SHROOM3: variants seen among roughly 807,000 people sequenced by gnomAD.
The protein encoded by SHROOM3 is shroom family member 3, also known as protein Shroom3.
In SHROOM3, 47 loss-of-function variants were observed where a neutral mutation model predicts 138.6. The observed-to-expected ratio is 0.34, with a 90% CI of 0.27 to 0.43. The LOEUF is 0.43. Ranked by LOEUF, SHROOM3 falls within the 20% of genes least tolerant of loss-of-function variation. The pLI is 1.00. For synonymous variants in SHROOM3, 1,062 were observed against 1,063.3 expected, an observed-to-expected ratio of 1.00 and a Z score of 0.02; for missense variants, 2,491 against 2,596.5, an observed-to-expected ratio of 0.96 and a Z score of 0.88.
Position 76,616,858 on chromosome 4 carries a change from C to T in SHROOM3, c.323+61095C>T, listed in dbSNP as rs1331107612. 2.6e-5 allele frequency among the ~76,000 whole-genome samples: 4 copies of T among 152,102 alleles called. No individual in the cohort carries two copies. The East Asian group carries it at 7.7e-4, about 29-fold the overall frequency. ...TGTATTCTACCACAATTTAAAAATA[C>T]CTAAAGAAATAACAATAATTGGTCT... On this transcript the variant is annotated intron_variant, in intron 2 of 10. Coordinates refer to ENST00000296043, the MANE Select transcript of SHROOM3 (RefSeq NM_020859.4).
At chr4:76,710,761 C>G (rs1046446322) in intron 3 of SHROOM3, among the ~76,000 whole-genome samples, 1 of 152,166 alleles carries the variant, frequency 6.6e-6, no homozygotes. Context: ...TTTGTAGCTA[C>G]TTACCCATGT....
At chr4:76,745,086 T>C (rs1578013110) in intron 5 of SHROOM3, among the ~76,000 whole-genome samples, 1 of 152,342 alleles carries the variant, frequency 6.6e-6, no homozygotes, top group East Asian at 1.9e-4. Context: ...TCTATTTTCC[T>C]CTCCTTTAAT....
At position 76,778,036 on chromosome 4, in the gene SHROOM3, A is replaced by G. The variant is rs1000547659; in HGVS notation, c.5623-773A>G. Among the ~76,000 whole-genome samples, 5 of 152,246 alleles carry G rather than the reference A, an allele frequency of 3.3e-5. No individual in the cohort carries two copies. In the East Asian group the frequency reaches 7.7e-4, roughly 23 times the overall value. On this transcript the variant is annotated intron_variant, in intron 10 of 10. Transcript: ENST00000296043. ...GGTTCTCAAACTTTAGCCGCAAAAG[A>G]ATCATCTGGAAGGCTTGTTAAAACA...
chr4:76,744,650 A>T (rs1473037583), intron 5 of SHROOM3, among the ~76,000 whole-genome samples: 1 of 152,094 alleles, frequency 6.6e-6, no homozygotes, highest in Admixed American at 6.5e-5. Context: ...AGGTTTGTTA[A>T]TCAATCATTT....
intron 2 of SHROOM3, among the ~76,000 whole-genome samples, chr4:76,567,893 CGT>C (rs1491191600): frequency 6.6e-6 from 1 of 151,174 alleles, no homozygotes; most frequent in African/African-American, 2.4e-5. Flanking sequence ...TGGTACTGAA[CGT>C]TTTTTTTTTT....
intron 1 of SHROOM3, among the ~76,000 whole-genome samples, chr4:76,499,331 A>T (rs949513667): frequency 2.0e-5 from 3 of 152,216 alleles, no homozygotes; most frequent in Non-Finnish European, 4.4e-5. Context: ...GAATCACATG[A>T]TATAAAATAT....
At chr4:76,527,243 T>G (rs1359271551) in intron 1 of SHROOM3, among the ~76,000 whole-genome samples, 1 of 152,178 alleles carries the variant, frequency 6.6e-6, no homozygotes, top group Non-Finnish European at 1.5e-5. Flanking sequence ...TCATAAAATT[T>G]GCTTTTATTT....
At chr4:76,693,211 T>G (rs941273245) in intron 2 of SHROOM3, among the ~76,000 whole-genome samples, 25 of 152,192 alleles carry the variant, frequency 1.6e-4, no homozygotes, top group African/African-American at 5.3e-4. Flanking sequence ...TGTCAACTAC[T>G]ATTTCCAGGC....
chr4:76,471,409 A>G (rs909576423), intron 1 of SHROOM3, among the ~76,000 whole-genome samples: 51 of 151,948 alleles, frequency 3.4e-4, no homozygotes, highest in African/African-American at 1.2e-3. Flanking sequence ...ACGCCTGGCT[A>G]ATTTTTTGAT....
At chr4:76,484,450 A>C (rs1172974417) in intron 1 of SHROOM3, among the ~76,000 whole-genome samples, 6 of 151,976 alleles carry the variant, frequency 3.9e-5, no homozygotes, top group African/African-American at 9.7e-5. Context: ...TCACACCTGT[A>C]GTCCCAGCTA....
intron 3 of SHROOM3, among the ~76,000 whole-genome samples, chr4:76,722,150 AT>A (rs1192066704): frequency 1.3e-5 from 2 of 152,106 alleles, no homozygotes; most frequent in African/African-American, 4.8e-5. Flanking sequence ...CGATTTCATA[AT>A]TTTAAAAATA....
At chr4:76,554,262 C>T (rs1489184079) in intron 1 of SHROOM3, among the ~76,000 whole-genome samples, 3 of 152,094 alleles carry the variant, frequency 2.0e-5, no homozygotes, top group Non-Finnish European at 4.4e-5. Context: ...TTTAAGTTTC[C>T]TTCATGTTGT....
At chr4:76,546,477 C>G (rs1733222252) in intron 1 of SHROOM3, among the ~76,000 whole-genome samples, 1 of 152,170 alleles carries the variant, frequency 6.6e-6, no homozygotes, top group Admixed American at 6.5e-5. Context: ...TTTCGTAGAA[C>G]CTGAGAACCA....
At chr4:76,528,612 C>A (rs1368779384) in intron 1 of SHROOM3, among the ~76,000 whole-genome samples, 6 of 139,260 alleles carry the variant, frequency 4.3e-5, no homozygotes, top group African/African-American at 1.7e-4. Flanking sequence ...ATGGCACAAT[C>A]CTGGCTCACT....
chr4:76,712,122 G>A (rs1720247877), intron 3 of SHROOM3, among the ~76,000 whole-genome samples: 1 of 152,196 alleles, frequency 6.6e-6, no homozygotes, highest in Non-Finnish European at 1.5e-5. Context: ...TCTAATGTCA[G>A]TGCCAAAGCT....
intron 4 of SHROOM3, among the ~76,000 whole-genome samples, chr4:76,732,823 T>C (rs1355673365): frequency 1.3e-5 from 2 of 152,242 alleles, no homozygotes; most frequent in Non-Finnish European, 2.9e-5. Flanking sequence ...TAACCTTTGA[T>C]CTTGGCTTCC....
At chr4:76,778,670 G>A in intron 10 of SHROOM3, 139 bp from the exon 11 acceptor site, 1 of 1,121,508 alleles carries the variant, frequency 8.9e-7, no homozygotes, top group Non-Finnish European at 1.3e-6. Context: ...TTTTCAAAAA[G>A]TTAGCCTCCT....
chr4:76,682,492 T>C (rs976376171), intron 2 of SHROOM3, among the ~76,000 whole-genome samples: 4 of 152,190 alleles, frequency 2.6e-5, no homozygotes, highest in African/African-American at 9.7e-5. Flanking sequence ...TTTCTTTAGA[T>C]ACCTGGGTTT....
chr4:76,698,340 C>T (rs1412162568), intron 2 of SHROOM3, among the ~76,000 whole-genome samples: 1 of 152,178 alleles, frequency 6.6e-6, no homozygotes, highest in African/African-American at 2.4e-5. Flanking sequence ...GATTAGGCCT[C>T]CCTCACAAAC....
Sources: allele counts gnomAD v4.1 joint callset (sites outside exome capture counted in the v4.1 genomes callset), GRCh38; gene constraint gnomAD v4.1.1; transcripts MANE v1.5; gene names NCBI Gene and HGNC (gene_info 2026-07-23, HGNC 2026-07-21).